CMBL: variants seen among roughly 807,000 people sequenced by gnomAD.
CMBL encodes the protein carboxymethylenebutenolidase homolog (Pseudomonas).
A neutral mutation model predicts 28.7 loss-of-function variants in CMBL; 17 were observed. The observed-to-expected ratio is 0.59, with a 90% CI of 0.41 to 0.89. CMBL has a LOEUF of 0.89. Among genes scored for constraint, CMBL ranks in the 40% least tolerant of loss-of-function variants. The pLI is 0.00. For synonymous variants in CMBL, 106 were observed against 101.6 expected (o/e 1.04, Z -0.26); for missense variants, 310 against 298.5 (o/e 1.04, Z -0.28).
At chr5:10,290,844 A>C in intron 1 of CMBL, 63 bp from the exon 2 acceptor site, 1 of 1,230,672 alleles carries the variant, frequency 8.1e-7, no homozygotes, top group Non-Finnish European at 1.2e-6. Context: ...ATAAATGGTA[A>C]GTAAACCTCA....
At chr5:10,296,153 G>T (rs891551698) in intron 1 of CMBL, among the ~76,000 whole-genome samples, 1 of 152,200 alleles carries the variant, frequency 6.6e-6, no homozygotes, top group South Asian at 2.1e-4. Context: ...TGAGGAAACC[G>T]CTGTGACCAG....
chr5:10,293,803 T>C (rs542195482), intron 1 of CMBL, among the ~76,000 whole-genome samples: 1 of 152,296 alleles, frequency 6.6e-6, no homozygotes, highest in African/African-American at 2.4e-5. Context: ...CAGCAGAGCA[T>C]GAAACAAATA....
rs755153125 is a variant in CMBL, at chr5:10,290,714, C to T, written c.49G>A (p.Glu17Lys). Reference protein sequence around the residue: ...PCPCDIGHRLEYGGLGREVQV... With the variant: ...PCPCDIGHRLKYGGLGREVQV... ...ACTTCACGGCCTAGCCCTCCATACT[C>T]AAGTCTGTGGCCAATGTCACACGGA... is the stretch of plus-strand genomic sequence containing the variant. Residue 17 changes from glutamate to lysine, a missense_variant, in exon 2 of 6, where the codon GAG becomes AAG. By Grantham distance (56) the Glu-to-Lys change is moderately conservative. Transcript: ENST00000296658. 3.1e-6 allele frequency: 5 copies of T among 1,614,208 alleles called. No individual in the cohort carries two copies. The Admixed American group carries it at 5.0e-5, about 16-fold the overall frequency.
intron 1 of CMBL, among the ~76,000 whole-genome samples, chr5:10,306,835 C>T (rs1436294091): frequency 6.6e-6 from 1 of 152,188 alleles, no homozygotes; most frequent in Non-Finnish European, 1.5e-5. Context: ...ATGCCAACGA[C>T]GCCCCTGCAG....
intron 1 of CMBL, among the ~76,000 whole-genome samples, chr5:10,302,893 AG>A (rs1746934786): frequency 1.3e-5 from 2 of 152,240 alleles, no homozygotes; most frequent in Non-Finnish European, 2.9e-5. Flanking sequence ...CATTCTGTAG[AG>A]AATCCCCTTC....
chr5:10,285,032 C>T (rs1746573134), intron 4 of CMBL, among the ~76,000 whole-genome samples: 1 of 151,424 alleles, frequency 6.6e-6, no homozygotes. Flanking sequence ...GACAAGGTCT[C>T]ACTCCCTGTC....
At chr5:10,291,343 T>C (rs900655581) in intron 1 of CMBL, among the ~76,000 whole-genome samples, 1 of 152,104 alleles carries the variant, frequency 6.6e-6, no homozygotes, top group Non-Finnish European at 1.5e-5. Context: ...CATCTCCGTC[T>C]AGATTCTGAG....
At chr5:10,288,370 C>T in intron 3 of CMBL, 52 bp downstream of exon 3, 1 of 1,348,968 alleles carries the variant, frequency 7.4e-7, no homozygotes, top group Non-Finnish European at 1.1e-6. Context: ...CCACCCAGCT[C>T]TCACCTCCCT....
chr5:10,284,069 C>G (rs1375544213), intron 4 of CMBL, among the ~76,000 whole-genome samples: 1 of 152,246 alleles, frequency 6.6e-6, no homozygotes, highest in Non-Finnish European at 1.5e-5. Context: ...TGACCACGCT[C>G]CCTTCCCCAC....
In CMBL at chr5:10,291,554, G is replaced by T. The variant is rs957227464; in HGVS notation, c.-19-773C>A. Among the ~76,000 whole-genome samples the T allele has an allele frequency of 2.0e-5, 3 of 151,180 alleles. No homozygotes were observed. In the East Asian group the frequency reaches 5.8e-4, roughly 29 times the overall value. On this transcript the variant is annotated intron_variant, in intron 1 of 5. Transcript: ENST00000296658. ...TGGGCGCCTGTAGTCCCAGCTACTC[G>T]GGAGGCTGAGGCAGGAGAATGGCGT...
intron 1 of CMBL, among the ~76,000 whole-genome samples, chr5:10,295,281 A>G (rs1746790156): frequency 2.0e-5 from 3 of 152,040 alleles, no homozygotes; most frequent in Admixed American, 2.0e-4. Context: ...ACGGGGTTTC[A>G]CCATGTTGGC....
chr5:10,286,338 C>T lies in CMBL; in HGVS notation c.466+16G>A, dbSNP rs750463180. On this transcript the variant is annotated intron_variant, in intron 4 of 5. Transcript: ENST00000296658. The stretch of plus-strand genomic sequence containing the variant: ...CTCCCTTCTGCATGGAGTAAAAATG[C>T]ACAAGGCAGATTTACCATAGACGGA... The T allele has an allele frequency of 3.7e-6, 6 of 1,611,114 alleles. No individual in the cohort carries two copies. Among genetic ancestry groups the T allele is most frequent in the Non-Finnish European group, 5.1e-6 (6 of 1,178,472 alleles).
Position 10,280,267 on chromosome 5 carries a change from G to A in CMBL, c.*186C>T. On this transcript the variant is annotated 3_prime_UTR_variant, in exon 6 of 6. Coordinates refer to ENST00000296658, the MANE Select transcript of CMBL (RefSeq NM_138809.4). Reference sequence around the variant, plus strand: ...CCTTGTTTTTAAATTATGATTCGATGTACATGTCAAAAATTAAATTATTTC... The same window carrying A: ...CCTTGTTTTTAAATTATGATTCGATATACATGTCAAAAATTAAATTATTTC... The A allele has an allele frequency of 2.0e-6, 1 of 504,706 alleles. No individual in the cohort carries two copies. Among genetic ancestry groups the A allele is most frequent in the Admixed American group, 3.4e-5 (1 of 29,408 alleles). 31.3% of individuals were successfully genotyped at this position (504,706 alleles called of 1,614,324 possible). A position where few individuals can be genotyped will look rare whatever the true frequency, so the allele number is the denominator to read the frequency against.
chr5:10,282,087 G>C, intron 5 of CMBL, 110 bp downstream of exon 5: 2 of 718,662 alleles, frequency 2.8e-6, no homozygotes, highest in Non-Finnish European at 4.9e-6. Context: ...TTGAACCTGG[G>C]AGGTGGAGGT....
rs377513366 is a variant in CMBL at position 10,289,893 on chromosome 5, C to CT, written c.215+654_215+655insA. 1.5e-4 allele frequency among the ~76,000 whole-genome samples: 23 copies of CT among 152,334 alleles called. No homozygotes were observed. The East Asian group carries it at 4.4e-3, about 29-fold the overall frequency. On this transcript the variant is annotated intron_variant, in intron 2 of 5. Transcript: ENST00000296658. The surrounding 1 kb of genome is among the most constrained non-coding windows in gnomAD (Gnocchi z 4.3). Reference sequence around the variant, plus strand: ...CAAAGGAAATCCAGCCGTGCACCATCCTCAGGGCTCACTGGGTTGATGCTT... The same window carrying CT: ...CAAAGGAAATCCAGCCGTGCACCATCTCTCAGGGCTCACTGGGTTGATGCTT...
chr5:10,283,466 T>G (rs6892999), intron 4 of CMBL, among the ~76,000 whole-genome samples: 83,462 of 152,008 alleles, frequency 0.55, 25,438 homozygotes, highest in Non-Finnish European at 0.7. Context: ...TGCCTGGGCC[T>G]AGCAGGTCAG....
chr5:10,306,731 T>A (rs1455447081), intron 1 of CMBL, among the ~76,000 whole-genome samples: 4 of 152,206 alleles, frequency 2.6e-5, no homozygotes, highest in African/African-American at 4.8e-5. Context: ...ATATTTATTT[T>A]TCAGCAGCCA....
intron 1 of CMBL, among the ~76,000 whole-genome samples, chr5:10,301,960 T>C (rs1171959585): frequency 6.6e-6 from 1 of 151,200 alleles, no homozygotes; most frequent in African/African-American, 2.4e-5. Flanking sequence ...GACATCCATT[T>C]TGCAAAAGGA....
intron 4 of CMBL, among the ~76,000 whole-genome samples, chr5:10,283,756 G>C (rs567125161): frequency 6.6e-6 from 1 of 152,270 alleles, no homozygotes; most frequent in Non-Finnish European, 1.5e-5. Context: ...AGAACAAGAT[G>C]CTGTCTCAAA....
Sources: allele counts gnomAD v4.1 joint callset (sites outside exome capture counted in the v4.1 genomes callset), GRCh38; gene constraint gnomAD v4.1.1; non-coding constraint Gnocchi (gnomAD v3.1); transcripts MANE v1.5; gene names NCBI Gene and HGNC (gene_info 2026-07-23, HGNC 2026-07-21).